RPL13A: variants seen among roughly 807,000 people sequenced by gnomAD.
RPL13A encodes large ribosomal subunit protein uL13.
Under a neutral mutation model 30.8 loss-of-function variants are expected in RPL13A, and 4 were observed. That is an observed-to-expected ratio of 0.13 (90% confidence interval 0.06 to 0.30). The LOEUF is 0.30. Ranked by LOEUF, RPL13A falls within the 10% of genes least tolerant of loss-of-function variation. The pLI is 1.00. For missense variants in RPL13A, 196 were observed against 272.6 expected, an observed-to-expected ratio of 0.72 and a Z score of 1.98; for synonymous variants, 108 against 104.2, an observed-to-expected ratio of 1.04 and a Z score of -0.22.
At chr19:49,488,568 G>C (rs1044642109) in intron 1 of RPL13A, among the ~76,000 whole-genome samples, 1 of 152,214 alleles carries the variant, frequency 6.6e-6, no homozygotes, top group African/African-American at 2.4e-5. Flanking sequence ...AAATTAAATT[G>C]GAATTGGTGA....
intron 1 of RPL13A, 109 bp from the exon 2 acceptor site, chr19:49,489,741 G>A (rs189059911): frequency 4.5e-6 from 4 of 885,940 alleles, no homozygotes; most frequent in East Asian, 4.8e-5. Flanking sequence ...TGATGGCTGG[G>A]TGCAAGGCAC....
chr19:49,490,948 A>C, intron 5 of RPL13A, 84 bp downstream of exon 5: 8 of 1,605,016 alleles, frequency 5.0e-6, no homozygotes, highest in Non-Finnish European at 6.8e-6. Flanking sequence ...TTTGATCCTC[A>C]TGAAAGCAGC....
intron 1 of RPL13A, 131 bp from the exon 2 acceptor site, chr19:49,489,719 A>C (rs2079845173): frequency 9.2e-6 from 7 of 762,326 alleles, no homozygotes; most frequent in Non-Finnish European, 1.7e-5. Flanking sequence ...CTCCGTGCAT[A>C]GTTCCCAGCT....
chr19:49,489,019 C>G (rs947424434), intron 1 of RPL13A, among the ~76,000 whole-genome samples: 1 of 152,180 alleles, frequency 6.6e-6, no homozygotes, highest in South Asian at 2.1e-4. Flanking sequence ...ATTTCTACTC[C>G]GGAGGAAGCT....
rs765887906 is a variant in RPL13A at position 49,490,607 on chromosome 19, A to G, written c.256+31A>G. 12 of 1,609,294 alleles carry G rather than the reference A, an allele frequency of 7.5e-6. No individual in the cohort carries two copies. The East Asian group carries it at 2.0e-4, about 27-fold the overall frequency. On this transcript the variant is annotated intron_variant, in intron 4 of 7. Transcript: ENST00000391857. ...CAGAGCGTGGGGACTGCAGGTGGTG[A>G]CGGGCAGGCGGCCGGTGATGAGAAC...
intron 1 of RPL13A, among the ~76,000 whole-genome samples, chr19:49,489,289 A>G (rs1394346564): frequency 1.3e-5 from 2 of 152,176 alleles, no homozygotes; most frequent in Non-Finnish European, 2.9e-5. Flanking sequence ...TGAAGCGAGG[A>G]GTACAAGAGC....
chr19:49,489,177 T>TGG (rs2079839703), intron 1 of RPL13A, among the ~76,000 whole-genome samples: 1 of 152,130 alleles, frequency 6.6e-6, no homozygotes, highest in Non-Finnish European at 1.5e-5. Flanking sequence ...ATCCTATACA[T>TGG]TAGAAGAGAA....
At position 49,491,521 on chromosome 19, in the gene RPL13A, C is replaced by T. The variant is rs906589093; in HGVS notation, c.499C>T (p.His167Tyr). The T allele has an allele frequency of 2.7e-6, 4 of 1,487,208 alleles. No individual in the cohort carries two copies. Among genetic ancestry groups the T allele is most frequent in the African/African-American group, 1.4e-5 (1 of 71,016 alleles). 92.1% of individuals were successfully genotyped at this position (1,487,208 alleles called of 1,614,324 possible). ...EEKRKEKAKI[H>Y]YRKKKQLMRL... ...GAAGAGGAAAGAGAAAGCCAAGATCCACTACCGGAAGAAGAAACAGCTCAT... is the reference window on the plus strand; with the variant it reads ...GAAGAGGAAAGAGAAAGCCAAGATCTACTACCGGAAGAAGAAACAGCTCAT... Residue 167 changes from histidine to tyrosine, a missense_variant, in exon 7 of 8, where the codon CAC becomes TAC. By Grantham distance (83) the His-to-Tyr change is moderately conservative. Coordinates refer to ENST00000391857, the MANE Select transcript of RPL13A (RefSeq NM_012423.4).
intron 3 of RPL13A, 33 bp downstream of exon 3, chr19:49,490,330 G>T: frequency 6.2e-7 from 1 of 1,608,378 alleles, no homozygotes; most frequent in Non-Finnish European, 8.5e-7. Context: ...CACTGGAGAG[G>T]GTCTCCCTGT....
rs1447396579 is a variant in RPL13A at position 49,491,486 on chromosome 19, C to T, written c.464C>T (p.Thr155Ile). 2 of 1,536,822 alleles carry T rather than the reference C, an allele frequency of 1.3e-6. No individual in the cohort carries two copies. Among genetic ancestry groups the T allele is most frequent in the African/African-American group, 2.8e-5 (2 of 72,354 alleles). The change falls in exon 7 of 8, where the codon ACC becomes ATC. Residue 155 changes from threonine to isoleucine, a missense_variant. By Grantham distance (89) the Thr-to-Ile change is moderately conservative. Transcript: ENST00000391857. ...VGWKYQAVTA[T>I]LEEKRKEKAK... ...TGGAAGTACCAGGCAGTGACAGCCA[C>T]CCTGGAGGAGAAGAGGAAAGAGAAA...
chr19:49,490,177 G>T, intron 2 of RPL13A, 55 bp from the exon 3 acceptor site: 1 of 1,519,352 alleles, frequency 6.6e-7, no homozygotes. Flanking sequence ...GACTGCATAG[G>T]CAGTGGTGGG....
At chr19:49,490,349 G>C (rs375181942) in intron 3 of RPL13A, 52 bp downstream of exon 3, 2 of 1,602,616 alleles carry the variant, frequency 1.2e-6, no homozygotes, top group Non-Finnish European at 1.7e-6. Flanking sequence ...GTGGGGTGTT[G>C]AGGCTCTGAA....
chr19:49,491,283 C>A, intron 6 of RPL13A, 142 bp from the exon 7 acceptor site: 13 of 1,151,906 alleles, frequency 1.1e-5, no homozygotes, highest in Non-Finnish European at 1.7e-5. Context: ...GCTTTTCTAA[C>A]AGGCCTGCAG....
At chr19:49,490,018 A>C (rs1331511880) in intron 2 of RPL13A, 96 bp downstream of exon 2, 13 of 1,117,392 alleles carry the variant, frequency 1.2e-5, no homozygotes, top group Non-Finnish European at 1.8e-5. Flanking sequence ...CACGGCCATG[A>C]GATCAACCCC....
rs777774368 is a variant in RPL13A at position 49,487,635 on chromosome 19, G to T, written c.6G>T (p.Ala2=). M[A]EVQVLVLDGR... ...TTTCCAAGCGGCTGCCGAAGATGGC[G>T]GAGGTGCAGGTATGGGCTCCGCGCG... Residue 2 remains alanine, a synonymous_variant, in exon 1 of 8, where the codon GCG becomes GCT. Coordinates refer to ENST00000391857, the MANE Select transcript of RPL13A (RefSeq NM_012423.4). The T allele has an allele frequency of 6.4e-7, 1 of 1,572,882 alleles. No homozygotes were observed. Among genetic ancestry groups the T allele is most frequent in the Non-Finnish European group, 8.6e-7 (1 of 1,160,216 alleles).
At chr19:49,488,140 T>C (rs2079826714) in intron 1 of RPL13A, among the ~76,000 whole-genome samples, 1 of 152,210 alleles carries the variant, frequency 6.6e-6, no homozygotes, top group Non-Finnish European at 1.5e-5. Context: ...TCCGGTTCTT[T>C]TAATTCTCAA....
In RPL13A at chr19:49,491,088, C is replaced by A; in HGVS notation, c.391C>A (p.Pro131Thr). ...PAALKVVRLKPTRKFAYLGRL... is the reference protein window; with the variant it reads ...PAALKVVRLKTTRKFAYLGRL... ...TGCCCTCAAGGTCGTGCGTCTGAAG[C>A]CTACAAGAAAGGTGAGTCCCAGCTT... is the stretch of plus-strand genomic sequence containing the variant. The change falls in exon 6 of 8, where the codon CCT becomes ACT. Residue 131 changes from proline (P) to threonine (T), a missense_variant. Physicochemically the swap from Pro to Thr is conservative, Grantham distance 38. Coordinates refer to ENST00000391857, the MANE Select transcript of RPL13A (RefSeq NM_012423.4). The A allele has an allele frequency of 6.2e-7, 1 of 1,614,202 alleles. No individual in the cohort carries two copies. Among genetic ancestry groups the A allele is most frequent in the Non-Finnish European group, 8.5e-7 (1 of 1,180,036 alleles).
In RPL13A at chr19:49,491,195, C is replaced by T. The variant is rs751507463; in HGVS notation, c.402+96C>T. ...AGCCTGGCAGATGATGTCCTTATCTCACGATGGTCTGCGGATGTCCCTGTG... is the reference window on the plus strand; with the variant it reads ...AGCCTGGCAGATGATGTCCTTATCTTACGATGGTCTGCGGATGTCCCTGTG... On this transcript the variant is annotated intron_variant, in intron 6 of 7. Transcript: ENST00000391857. 4.9e-6 allele frequency: 7 copies of T among 1,419,346 alleles called. No individual in the cohort carries two copies. The East Asian group carries it at 1.4e-4, about 28-fold the overall frequency. The allele number at this position is 1,419,346 out of a possible 1,614,324, so 87.9% of individuals were successfully genotyped here. A position where few individuals can be genotyped will look rare whatever the true frequency, so the allele number is the denominator to read the frequency against.
intron 7 of RPL13A, 68 bp from the exon 8 acceptor site, chr19:49,491,661 A>G: frequency 1.3e-6 from 2 of 1,579,386 alleles, no homozygotes; most frequent in Non-Finnish European, 1.7e-6. Flanking sequence ...TTGGGGTGGG[A>G]TGCAGTCCAT....
Sources: gnomAD v4.1 joint callset for allele counts (sites outside exome capture counted in the v4.1 genomes callset) on GRCh38, gnomAD v4.1.1 for gene constraint, MANE v1.5 for transcripts, NCBI Gene and HGNC (gene_info 2026-07-23, HGNC 2026-07-21) for gene names.